Variants in DIAPH3 observed in about 807,000 individuals in gnomAD.
The protein encoded by DIAPH3 is diaphanous related formin 3.
A neutral mutation model predicts 144.3 loss-of-function variants in DIAPH3; 117 were observed. The observed-to-expected ratio is 0.81, with a 90% CI of 0.70 to 0.95. The LOEUF (loss-of-function observed/expected upper bound fraction) is 0.95, where lower values mean the gene tolerates loss of function less well. Ranked by LOEUF, DIAPH3 falls within the 40% of genes least tolerant of loss-of-function variation. The probability of loss-of-function intolerance (pLI) is 0.00; values close to 1 mark genes in which losing one functional copy is unlikely to be tolerated. For missense variants in DIAPH3, 1,421 were observed against 1,412.7 expected (o/e 1.01, Z -0.09); for synonymous variants, 519 against 488.9 (o/e 1.06, Z -0.81).
At chr13:59,896,152 A>T (rs957202701) in intron 20 of DIAPH3, among the ~76,000 whole-genome samples, 1 of 152,156 alleles carries the variant, frequency 6.6e-6, no homozygotes, top group Non-Finnish European at 1.5e-5. Context: ...TGGCATGTGG[A>T]GGAGGTCTTG....
intron 5 of DIAPH3, 114 bp downstream of exon 5, chr13:60,042,576 C>G (rs2055759686): frequency 2.4e-6 from 3 of 1,246,822 alleles, no homozygotes; most frequent in South Asian, 2.5e-5. Context: ...ATTAGGTATT[C>G]AGTTTGTACT....
intron 27 of DIAPH3, among the ~76,000 whole-genome samples, chr13:59,726,036 C>A (rs1007745713): frequency 6.6e-6 from 1 of 152,156 alleles, no homozygotes; most frequent in Admixed American, 6.5e-5. Flanking sequence ...CTCTTGAAAA[C>A]ATAGCTGCCA....
In DIAPH3 at chr13:60,012,888, A is replaced by C. The variant is rs1327200379; in HGVS notation, c.772-2219T>G. ...CGTTCTCTGATTTTGGTAATGCAAAAATGTGTCACACTCATTTTAAGACTG... is the reference window on the plus strand; with the variant it reads ...CGTTCTCTGATTTTGGTAATGCAAACATGTGTCACACTCATTTTAAGACTG... On this transcript the variant is annotated intron_variant, in intron 7 of 27. Transcript: ENST00000400324. The C allele has an allele frequency of 7.8e-6, 5 of 640,982 alleles. No individual in the cohort carries two copies. The African/African-American group carries it at 9.9e-5, about 13-fold the overall frequency. The allele number at this position is 640,982 out of a possible 1,614,324, so 39.7% of individuals were successfully genotyped here. A position where few individuals can be genotyped will look rare whatever the true frequency, so the allele number is the denominator to read the frequency against.
At position 59,729,808 on chromosome 13, in the gene DIAPH3, A is replaced by ATTTTTTT. The variant is rs202135165; in HGVS notation, c.3319+44380_3319+44381insAAAAAAA. ...TTTGTGACTTCCGGTGAATACATTA[A>ATTTTTTT]TATTTTTTTTTTTTTTTTTTTGAGA... is the stretch of plus-strand genomic sequence containing the variant. On this transcript the variant is annotated intron_variant, in intron 27 of 27. Transcript: ENST00000400324. Among the ~76,000 whole-genome samples the ATTTTTTT allele has an allele frequency of 4.3e-4, 49 of 115,190 alleles. 1 individual carries two copies. The highest frequency in any genetic ancestry group is 7.4e-4 in the African/African-American group (21 of 28,470). The allele number at this position is 115,190 out of a possible 152,430, so 75.6% of individuals were successfully genotyped here.
chr13:59,902,146 T>C (rs2046470988), intron 20 of DIAPH3, among the ~76,000 whole-genome samples: 1 of 152,180 alleles, frequency 6.6e-6, no homozygotes, highest in Admixed American at 6.5e-5. Flanking sequence ...AAAAACTGTG[T>C]ATGGTTGATA....
Position 59,970,074 on chromosome 13 carries a change from A to C in DIAPH3, c.1960-16T>G, listed in dbSNP as rs1406552176. On this transcript the variant is annotated splice_polypyrimidine_tract_variant and intron_variant, in intron 16 of 27. Transcript: ENST00000400324. ...GAGGTCTGATCTACAATCAGAGAGA[A>C]GACTGATTCATCAATAGGTGAGTGT... The C allele has an allele frequency of 2.7e-6, 4 of 1,459,716 alleles. 1 individual carries two copies. Among genetic ancestry groups the C allele is most frequent in the Non-Finnish European group, 3.8e-6 (4 of 1,049,412 alleles). The allele number at this position is 1,459,716 out of a possible 1,614,324, so 90.4% of individuals were successfully genotyped here. A position where few individuals can be genotyped will look rare whatever the true frequency, so the allele number is the denominator to read the frequency against.
intron 27 of DIAPH3, among the ~76,000 whole-genome samples, chr13:59,716,591 T>C (rs2035074223): frequency 6.6e-6 from 1 of 152,246 alleles, no homozygotes; most frequent in South Asian, 2.1e-4. Context: ...CTTCATATGC[T>C]GAATAGCTCC....
intron 3 of DIAPH3, among the ~76,000 whole-genome samples, chr13:60,096,810 TA>T (rs1189410148): frequency 6.6e-6 from 1 of 152,218 alleles, no homozygotes; most frequent in Non-Finnish European, 1.5e-5. Context: ...TCTCAGGCCT[TA>T]AAGCCACCTC....
chr13:60,163,491 T>A, intron 1 of DIAPH3, 96 bp downstream of exon 1: 1 of 1,522,640 alleles, frequency 6.6e-7, no homozygotes, highest in Non-Finnish European at 8.9e-7. Flanking sequence ...ATCTCTAGAA[T>A]AAAACTTGGT....
At chr13:59,716,975 AT>A (rs1318054731) in intron 27 of DIAPH3, among the ~76,000 whole-genome samples, 4 of 152,206 alleles carry the variant, frequency 2.6e-5, no homozygotes, top group Admixed American at 6.5e-5. Flanking sequence ...GAATAAAAAA[AT>A]CTCACTTAAT....
At chr13:59,960,267 T>A (rs1951544421) in intron 17 of DIAPH3, among the ~76,000 whole-genome samples, 1 of 152,230 alleles carries the variant, frequency 6.6e-6, no homozygotes, top group Admixed American at 6.5e-5. Flanking sequence ...CTTTATGTGT[T>A]TCCTTAATAA....
At chr13:59,751,210 G>A (rs2139118332) in intron 27 of DIAPH3, among the ~76,000 whole-genome samples, 1 of 152,348 alleles carries the variant, frequency 6.6e-6, no homozygotes, top group Non-Finnish European at 1.5e-5. Flanking sequence ...AGACAACATA[G>A]GGCTTTGGCT....
intron 23 of DIAPH3, chr13:59,837,536 T>A (rs1267198585): frequency 6.5e-6 from 1 of 154,482 alleles, no homozygotes; most frequent in East Asian, 1.9e-4. Context: ...GCAAGCAAAA[T>A]CTTTTCTGAA....
intron 27 of DIAPH3, among the ~76,000 whole-genome samples, chr13:59,752,353 C>A (rs1018879187): frequency 8.0e-5 from 12 of 150,720 alleles, no homozygotes; most frequent in African/African-American, 2.9e-4. Context: ...CCACAATAAG[C>A]AATAATGTAG....
At chr13:59,736,531 G>A (rs562012265) in intron 27 of DIAPH3, among the ~76,000 whole-genome samples, 64 of 152,140 alleles carry the variant, frequency 4.2e-4, no homozygotes, top group African/African-American at 1.3e-3. Flanking sequence ...TTACATGTTC[G>A]TTGGCTGCAT....
At chr13:59,843,800 G>A (rs922613688) in intron 22 of DIAPH3, among the ~76,000 whole-genome samples, 5 of 152,166 alleles carry the variant, frequency 3.3e-5, no homozygotes, top group South Asian at 2.1e-4. Context: ...AGAAAGCAGC[G>A]TGAGAATTCT....
intron 27 of DIAPH3, among the ~76,000 whole-genome samples, chr13:59,679,853 T>C (rs2032850256): frequency 6.6e-6 from 1 of 152,190 alleles, no homozygotes; most frequent in Non-Finnish European, 1.5e-5. Context: ...TTACATCAAG[T>C]ATTACGGTAT....
At chr13:60,078,646 G>A (rs2057452248) in intron 4 of DIAPH3, among the ~76,000 whole-genome samples, 1 of 151,856 alleles carries the variant, frequency 6.6e-6, no homozygotes, top group African/African-American at 2.4e-5. Flanking sequence ...AAATTAAAGA[G>A]AGACCAAACT....
At chr13:59,837,787 A>G (rs2139756252) in intron 23 of DIAPH3, 1 of 151,944 alleles carries the variant, frequency 6.6e-6, no homozygotes. Flanking sequence ...AAAAAAAAAA[A>G]AAAGCCTTAC....
Sources: gnomAD v4.1 joint callset for allele counts (sites outside exome capture counted in the v4.1 genomes callset) on GRCh38, gnomAD v4.1.1 for gene constraint, MANE v1.5 for transcripts, NCBI Gene and HGNC (gene_info 2026-07-23, HGNC 2026-07-21) for gene names.